Variants in ERMP1 observed in about 807,000 individuals in gnomAD.
ERMP1 encodes Felix-ina.
ERMP1 carries 86 observed loss-of-function variants against 92.0 expected under a neutral mutation model. That is an observed-to-expected ratio of 0.93 (90% CI 0.79 to 1.12). The LOEUF (loss-of-function observed/expected upper bound fraction) is 1.12. Among genes scored for constraint, ERMP1 ranks in the 50% most tolerant of loss-of-function variants. The pLI is 0.00. For missense variants in ERMP1, 1,342 were observed against 1,116.3 expected, an observed-to-expected ratio of 1.20 and a Z score of -2.88; for synonymous variants, 530 against 412.8, an observed-to-expected ratio of 1.28 and a Z score of -3.44.
At chr9:5,820,041 T>A (rs927777986) in intron 4 of ERMP1, among the ~76,000 whole-genome samples, 2 of 152,210 alleles carry the variant, frequency 1.3e-5, no homozygotes, top group Non-Finnish European at 2.9e-5. Flanking sequence ...GGGTCACACC[T>A]GTAATCCCAG....
Position 5,787,211 on chromosome 9 carries a change from T to C in ERMP1, c.2648A>G (p.Lys883Arg). 1.2e-6 allele frequency: 2 copies of C among 1,614,120 alleles called. No homozygotes were observed. The highest frequency in any genetic ancestry group is 1.7e-6 in the Non-Finnish European group (2 of 1,179,986). ...DKRSPQLDAL[K>R]EKFPDWTFPS... is the part of the protein sequence containing the mutation. ...AAATGTCCAATCTGGGAACTTTTCC[T>C]TCAGAGCATCCAGTTGAGGGGATCT... Residue 883 changes from lysine (K) to arginine (R), a missense_variant, in exon 15 of 15, where the codon AAG becomes AGG. By Grantham distance (26) the Lys-to-Arg change is conservative. Coordinates refer to ENST00000339450, the MANE Select transcript of ERMP1 (RefSeq NM_024896.3).
At chr9:5,863,527 A>C (rs1048786619) in intron 5 of ERMP1, among the ~76,000 whole-genome samples, 4 of 152,128 alleles carry the variant, frequency 2.6e-5, no homozygotes, top group African/African-American at 9.7e-5. Context: ...CCAGCTGGGG[A>C]GAGGGCAGAG....
intron 6 of ERMP1, among the ~76,000 whole-genome samples, chr9:5,850,220 A>C (rs1395870045): frequency 6.6e-6 from 1 of 152,044 alleles, no homozygotes; most frequent in African/African-American, 2.4e-5. Context: ...AGCCTGGCCA[A>C]CATGGTGAAA....
chr9:5,815,647 T>G (rs972603), intron 4 of ERMP1, among the ~76,000 whole-genome samples: 1 of 151,966 alleles, frequency 6.6e-6, no homozygotes, highest in African/African-American at 2.4e-5. Context: ...CATCAATGAT[T>G]GCTAAAACTA....
At chr9:5,847,298 C>G (rs1445633083) in intron 6 of ERMP1, among the ~76,000 whole-genome samples, 2 of 152,272 alleles carry the variant, frequency 1.3e-5, no homozygotes, top group East Asian at 3.9e-4. Flanking sequence ...ATTCTGTTGT[C>G]CAGGCTGTAG....
At chr9:5,811,597 T>G (rs1829098651) in intron 6 of ERMP1, among the ~76,000 whole-genome samples, 1 of 152,212 alleles carries the variant, frequency 6.6e-6, no homozygotes, top group African/African-American at 2.4e-5. Flanking sequence ...GCCTGTATCT[T>G]TTCCCTTCTA....
At chr9:5,835,480 C>G (rs1239543512), upstream of ERMP1, among the ~76,000 whole-genome samples, 1 of 152,202 alleles carries the variant, frequency 6.6e-6, no homozygotes, top group Non-Finnish European at 1.5e-5. Context: ...GTCTCACAGT[C>G]TCTCTGAGAA....
chr9:5,812,539 A>C (rs1218314650), intron 5 of ERMP1, among the ~76,000 whole-genome samples: 1 of 152,236 alleles, frequency 6.6e-6, no homozygotes, highest in Non-Finnish European at 1.5e-5. Flanking sequence ...GGCCAGAGCC[A>C]AATTTTAACT....
chr9:5,843,614 A>T (rs1460896065), intron 6 of ERMP1, among the ~76,000 whole-genome samples: 1 of 152,196 alleles, frequency 6.6e-6, no homozygotes, highest in East Asian at 1.9e-4. Flanking sequence ...TTCTTAGTTG[A>T]GAGGTCAGTC....
chr9:5,822,435 T>G (rs1829576131), intron 4 of ERMP1, among the ~76,000 whole-genome samples: 1 of 152,170 alleles, frequency 6.6e-6, no homozygotes, highest in Admixed American at 6.5e-5. Context: ...CTCAAACGCT[T>G]AGCTAAAGTA....
intron 6 of ERMP1, among the ~76,000 whole-genome samples, chr9:5,841,562 C>G (rs543861061): frequency 2.0e-5 from 3 of 152,242 alleles, no homozygotes; most frequent in East Asian, 3.9e-4. Context: ...CTTTGGGAGG[C>G]TGAGGCCAGT....
intron 14 of ERMP1, 32 bp downstream of exon 14, chr9:5,787,398 C>G (rs748958899): frequency 8.1e-6 from 13 of 1,608,270 alleles, no homozygotes; most frequent in Admixed American, 1.7e-5. Flanking sequence ...GGAACCTAAT[C>G]AATGAAACAA....
chr9:5,853,933 C>T (rs1006195159), intron 6 of ERMP1, among the ~76,000 whole-genome samples: 15 of 151,570 alleles, frequency 9.9e-5, no homozygotes, highest in Non-Finnish European at 1.6e-4. Context: ...TGACAAAAGA[C>T]AGATGAACAG....
At position 5,788,374 on chromosome 9, in the gene ERMP1, T is replaced by C. The variant is rs541860656; in HGVS notation, c.2387-781A>G. On this transcript the variant is annotated intron_variant, in intron 13 of 14. Transcript: ENST00000339450. ...AGGGCAGGGACTTAAAAGTATATTATTGAAGTAACAGTCTTCAAAACCAAA... is the reference window on the plus strand; with the variant it reads ...AGGGCAGGGACTTAAAAGTATATTACTGAAGTAACAGTCTTCAAAACCAAA... Among the ~76,000 whole-genome samples the C allele has an allele frequency of 3.7e-4, 57 of 152,210 alleles. No individual in the cohort carries two copies. In the Middle Eastern group the frequency reaches 0.014, roughly 36 times the overall value.
chr9:5,860,088 C>G (rs1473164205), intron 5 of ERMP1, among the ~76,000 whole-genome samples: 1 of 151,438 alleles, frequency 6.6e-6, no homozygotes, highest in Non-Finnish European at 1.5e-5. Context: ...TTGCTTGAGC[C>G]CAGTTTGAGA....
chr9:5,805,255 T>C, intron 9 of ERMP1, 38 bp from the exon 10 acceptor site: 1 of 1,491,434 alleles, frequency 6.7e-7, no homozygotes, highest in Non-Finnish European at 9.1e-7. Flanking sequence ...ATCTATGAAA[T>C]CCTCCAGTGA....
intron 4 of ERMP1, among the ~76,000 whole-genome samples, chr9:5,819,417 C>T (rs1829446790): frequency 6.6e-6 from 1 of 152,280 alleles, no homozygotes; most frequent in Non-Finnish European, 1.5e-5. Flanking sequence ...CTTCAAAAAC[C>T]ACAACCTTGC....
intron 5 of ERMP1, among the ~76,000 whole-genome samples, chr9:5,863,247 A>C (rs1182468584): frequency 6.6e-6 from 1 of 152,226 alleles, no homozygotes; most frequent in African/African-American, 2.4e-5. Flanking sequence ...ACTTTGCAAC[A>C]GAGTTTAAAG....
upstream of ERMP1, among the ~76,000 whole-genome samples, chr9:5,836,922 A>C (rs1830101616): frequency 6.6e-6 from 1 of 152,110 alleles, no homozygotes; most frequent in African/African-American, 2.4e-5. Context: ...ATTGCACTCT[A>C]CTTTTAACCC....
Sources: allele counts gnomAD v4.1 joint callset (sites outside exome capture counted in the v4.1 genomes callset), GRCh38; gene constraint gnomAD v4.1.1; transcripts MANE v1.5; gene names NCBI Gene and HGNC (gene_info 2026-07-23, HGNC 2026-07-21).